ACTR3: variants seen among roughly 807,000 people sequenced by gnomAD.
ACTR3 encodes actin related protein 3.
Under a neutral mutation model 56.8 loss-of-function variants are expected in ACTR3, and 12 were observed. The ratio of observed to expected loss-of-function variants is 0.21; its 90% CI spans 0.14 to 0.34. The LOEUF is 0.34. Ranked by LOEUF, ACTR3 falls within the 10% of genes least tolerant of loss-of-function variation. The pLI is 1.00. For synonymous variants in ACTR3, 162 were observed against 167.4 expected (o/e 0.97, Z 0.25); for missense variants, 282 against 512.5 (o/e 0.55, Z 4.34).
At chr2:113,949,164 G>A (rs1680073964) in intron 8 of ACTR3, among the ~76,000 whole-genome samples, 1 of 150,902 alleles carries the variant, frequency 6.6e-6, no homozygotes, top group African/African-American at 2.4e-5. Flanking sequence ...GATCACCTGA[G>A]GTCAGGAGTT....
chr2:113,928,193 A>G (rs1679654512), intron 4 of ACTR3, among the ~76,000 whole-genome samples: 1 of 152,162 alleles, frequency 6.6e-6, no homozygotes, highest in East Asian at 1.9e-4. Context: ...GGTTAAATCA[A>G]TATTCTGTGT....
chr2:113,957,159 T>G (rs573211262), intron 11 of ACTR3, among the ~76,000 whole-genome samples: 9 of 152,322 alleles, frequency 5.9e-5, no homozygotes, highest in Non-Finnish European at 1.3e-4. Context: ...TAATTGCTCT[T>G]TTGGAGTTCC....
At position 113,902,517 on chromosome 2, in the gene ACTR3, T is replaced by C. The variant is rs181921025; in HGVS notation, c.45-10655T>C. Among the ~76,000 whole-genome samples, 29 of 152,260 alleles carry C rather than the reference T, an allele frequency of 1.9e-4. No individual in the cohort carries two copies. The East Asian group carries it at 5.6e-3, about 29-fold the overall frequency. On this transcript the variant is annotated intron_variant, in intron 1 of 11. Coordinates refer to ENST00000263238, the MANE Select transcript of ACTR3 (RefSeq NM_005721.5). ...TCGCAGCCAAAATCAGCATTGTAGA[T>C]TTTTTTCATTACTGCCATAGTAAGA...
chr2:113,907,338 A>G (rs1187855971), intron 1 of ACTR3, among the ~76,000 whole-genome samples: 1 of 152,174 alleles, frequency 6.6e-6, no homozygotes. Flanking sequence ...TGGGGCAGTC[A>G]TAGCTCCTCC....
At chr2:113,908,346 G>A (rs1679241629) in intron 1 of ACTR3, among the ~76,000 whole-genome samples, 2 of 150,646 alleles carry the variant, frequency 1.3e-5, no homozygotes, top group South Asian at 2.1e-4. Flanking sequence ...AATTTTTAGA[G>A]TTCATAAAAA....
rs746747244 is a variant in ACTR3, at chr2:113,940,055, G to T, written c.637G>T (p.Val213Leu). Reference sequence around the variant, plus strand: ...TCAGCAACTGCTGAGAGACCGAGAAGTAGGAATCCCTCCAGAACAATCCTT... The same window carrying T: ...TCAGCAACTGCTGAGAGACCGAGAATTAGGAATCCCTCCAGAACAATCCTT... Reference protein sequence around the residue: ...FIQQLLRDREVGIPPEQSLET... With the variant: ...FIQQLLRDRELGIPPEQSLET... The change falls in exon 7 of 12, where the codon GTA becomes TTA. Residue 213 changes from valine to leucine, a missense_variant. Val to Leu is a conservative substitution (Grantham distance 32). Transcript: ENST00000263238. 1.2e-6 allele frequency: 2 copies of T among 1,613,560 alleles called. No individual in the cohort carries two copies. The highest frequency in any genetic ancestry group is 1.7e-4 in the Middle Eastern group (1 of 6,056).
At chr2:113,949,999 C>G (rs1468230879) in intron 8 of ACTR3, among the ~76,000 whole-genome samples, 1 of 152,086 alleles carries the variant, frequency 6.6e-6, no homozygotes, top group African/African-American at 2.4e-5. Context: ...GTTTGTTATT[C>G]AAAGTAGATG....
At chr2:113,931,243 A>G (rs931595494) in intron 4 of ACTR3, 58 bp from the exon 5 acceptor site, 1 of 1,093,308 alleles carries the variant, frequency 9.1e-7, no homozygotes, top group East Asian at 2.9e-5. Flanking sequence ...AAAAATTGTC[A>G]AGAAAGTTAT....
intron 3 of ACTR3, among the ~76,000 whole-genome samples, chr2:113,922,402 G>C (rs949441633): frequency 6.6e-6 from 1 of 152,206 alleles, no homozygotes; most frequent in Admixed American, 6.5e-5. Flanking sequence ...GAGAAAAAAG[G>C]CTAAGTATGG....
intron 1 of ACTR3, among the ~76,000 whole-genome samples, chr2:113,900,659 T>C (rs1333351919): frequency 1.3e-5 from 2 of 152,240 alleles, no homozygotes; most frequent in Non-Finnish European, 2.9e-5. Flanking sequence ...TTATTCCCGA[T>C]GCATTAGGGA....
chr2:113,936,325 G>T (rs957695045), intron 6 of ACTR3, among the ~76,000 whole-genome samples: 2 of 130,048 alleles, frequency 1.5e-5, no homozygotes, highest in Admixed American at 7.3e-5. Flanking sequence ...AAAAAAAAAA[G>T]GTTGGTGGGG....
chr2:113,925,643 T>TAAATAATACTTA (rs1456579981), intron 3 of ACTR3, among the ~76,000 whole-genome samples: 4 of 152,228 alleles, frequency 2.6e-5, no homozygotes, highest in Non-Finnish European at 5.9e-5. Flanking sequence ...AATTGATGAA[T>TAAATAATACTTA]AAATAATACT....
intron 2 of ACTR3, among the ~76,000 whole-genome samples, chr2:113,914,883 CT>C: frequency 6.6e-6 from 1 of 152,122 alleles, no homozygotes; most frequent in African/African-American, 2.4e-5. Flanking sequence ...GTCTAGTGGC[CT>C]TTATTATTAC....
intron 3 of ACTR3, among the ~76,000 whole-genome samples, chr2:113,919,042 G>A (rs959859184): frequency 2.0e-5 from 3 of 152,126 alleles, no homozygotes; most frequent in Non-Finnish European, 2.9e-5. Context: ...TACAACTTTG[G>A]TGGTTATAAT....
intron 4 of ACTR3, among the ~76,000 whole-genome samples, chr2:113,930,326 G>A (rs1378435739): frequency 6.6e-6 from 1 of 151,994 alleles, no homozygotes; most frequent in African/African-American, 2.4e-5. Flanking sequence ...TAAGGTAACA[G>A]TATACTTAGT....
At position 113,955,660 on chromosome 2, in the gene ACTR3, T is replaced by A; in HGVS notation, c.1115T>A (p.Met372Lys). 1 of 1,613,530 alleles carries A rather than the reference T, an allele frequency of 6.2e-7. No homozygotes were observed. Among genetic ancestry groups the A allele is most frequent in the Non-Finnish European group, 8.5e-7 (1 of 1,179,546 alleles). ...GATGTACAAGTCATTACACACCACA[T>A]GCAGCGATATGCAGTTTGGTTTGGA... ...PIDVQVITHH[M>K]QRYAVWFGGS... is the part of the protein sequence containing the mutation. The change falls in exon 11 of 12, where the codon ATG becomes AAG. Residue 372 changes from methionine to lysine, a missense_variant. Met to Lys is a moderately conservative substitution (Grantham distance 95). Transcript: ENST00000263238.
At chr2:113,897,390 A>C (rs1679026990) in intron 1 of ACTR3, among the ~76,000 whole-genome samples, 1 of 152,134 alleles carries the variant, frequency 6.6e-6, no homozygotes, top group Non-Finnish European at 1.5e-5. Context: ...GATTTTGCAG[A>C]ATTTTAATAA....
intron 3 of ACTR3, among the ~76,000 whole-genome samples, chr2:113,918,987 G>A (rs1271187974): frequency 1.3e-5 from 2 of 152,122 alleles, no homozygotes; most frequent in African/African-American, 4.8e-5. Flanking sequence ...AACTTCACAT[G>A]TCAAAGAACA....
At chr2:113,949,167 CA>C (rs1348391053) in intron 8 of ACTR3, among the ~76,000 whole-genome samples, 3 of 151,284 alleles carry the variant, frequency 2.0e-5, no homozygotes, top group Non-Finnish European at 4.4e-5. Flanking sequence ...CACCTGAGGT[CA>C]GGAGTTCGAG....
Sources: gnomAD v4.1 joint callset for allele counts (sites outside exome capture counted in the v4.1 genomes callset) on GRCh38, gnomAD v4.1.1 for gene constraint, MANE v1.5 for transcripts, NCBI Gene and HGNC (gene_info 2026-07-23, HGNC 2026-07-21) for gene names.